Variants in MAP3K7CL observed in about 807,000 individuals in gnomAD.
MAP3K7CL encodes the protein MAP3K7 C-terminal-like protein.
MAP3K7CL carries 16 observed loss-of-function variants against 18.6 expected under a neutral mutation model. The observed-to-expected ratio is 0.86, with a 90% CI of 0.58 to 1.31. The LOEUF (loss-of-function observed/expected upper bound fraction) is 1.31. MAP3K7CL is among the 50% of genes most tolerant of loss of function. MAP3K7CL has a pLI of 0.00. For synonymous variants in MAP3K7CL, 65 were observed against 66.8 expected, an observed-to-expected ratio of 0.97 and a Z score of 0.13; for missense variants, 163 against 174.4, an observed-to-expected ratio of 0.93 and a Z score of 0.37.
chr21:29,142,993 C>T (rs1398796730), intron 2 of MAP3K7CL, among the ~76,000 whole-genome samples: 2 of 152,172 alleles, frequency 1.3e-5, no homozygotes, highest in African/African-American at 4.8e-5. Flanking sequence ...CTGTATGAGC[C>T]TCAACACTTA....
intron 4 of MAP3K7CL, among the ~76,000 whole-genome samples, chr21:29,171,806 C>CAAAA (rs34411156): frequency 4.1e-4 from 34 of 83,122 alleles, no homozygotes; most frequent in African/African-American, 8.7e-4. Flanking sequence ...GACTCCATCT[C>CAAAA]AAAAAAAAAA....
intron 4 of MAP3K7CL, among the ~76,000 whole-genome samples, chr21:29,120,345 T>C (rs2086571625): frequency 1.3e-5 from 2 of 152,212 alleles, no homozygotes; most frequent in African/African-American, 4.8e-5. Flanking sequence ...TTTTGGTGTG[T>C]CAATGAAGAG....
At chr21:29,109,750 G>A (rs1019932775) in intron 4 of MAP3K7CL, 8 of 985,426 alleles carry the variant, frequency 8.1e-6, no homozygotes, top group Non-Finnish European at 9.6e-6. Context: ...CTGGCCCTAG[G>A]CAAAATTGTA....
chr21:29,085,472 G>A (rs572214184), upstream of MAP3K7CL, among the ~76,000 whole-genome samples: 4 of 149,970 alleles, frequency 2.7e-5, no homozygotes, highest in African/African-American at 9.8e-5. Context: ...GAGTGAACCC[G>A]GGAGGCGGAG....
At chr21:29,166,184 G>A (rs1025708172) in intron 4 of MAP3K7CL, among the ~76,000 whole-genome samples, 8 of 151,916 alleles carry the variant, frequency 5.3e-5, no homozygotes, top group East Asian at 1.9e-4. Flanking sequence ...CCAACCTCTG[G>A]TAATCACTAT....
At position 29,175,527 on chromosome 21, in the gene MAP3K7CL, G is replaced by A. The variant is rs1162169898; in HGVS notation, c.*635G>A. 1.3e-5 allele frequency: 2 copies of A among 152,216 alleles called. No individual in the cohort carries two copies. Among genetic ancestry groups the A allele is most frequent in the Non-Finnish European group, 2.9e-5 (2 of 68,040 alleles). 9.4% of individuals were successfully genotyped at this position (152,216 alleles called of 1,614,324 possible). On this transcript the variant is annotated 3_prime_UTR_variant, in exon 5 of 5. Coordinates refer to ENST00000399928, the MANE Select transcript of MAP3K7CL (RefSeq NM_001286620.2). ...CAAAGCACATTTGCCAATGCTAACTGGCTGTTGTAATAATAAACAGATAAG... is the reference window on the plus strand; with the variant it reads ...CAAAGCACATTTGCCAATGCTAACTAGCTGTTGTAATAATAAACAGATAAG...
chr21:29,136,072 C>A (rs1467899451), intron 2 of MAP3K7CL, among the ~76,000 whole-genome samples: 1 of 152,072 alleles, frequency 6.6e-6, no homozygotes. Flanking sequence ...ATTCAGGAGA[C>A]CCATTATTGT....
At chr21:29,133,267 G>T in intron 1 of MAP3K7CL, 39 bp from the exon 2 acceptor site, 1 of 1,489,058 alleles carries the variant, frequency 6.7e-7, no homozygotes, top group Non-Finnish European at 9.2e-7. Context: ...GGGGGATGAT[G>T]CTGGATAAAG....
intron 3 of MAP3K7CL, among the ~76,000 whole-genome samples, 180 bp downstream of exon 3, chr21:29,149,430 CT>C (rs1195738305): frequency 1.3e-5 from 2 of 152,198 alleles, no homozygotes; most frequent in Non-Finnish European, 2.9e-5. Context: ...TGGAATGCCC[CT>C]GTCTGGTTAT....
intron 4 of MAP3K7CL, among the ~76,000 whole-genome samples, chr21:29,106,104 A>G (rs1445721721): frequency 6.6e-6 from 1 of 152,188 alleles, no homozygotes; most frequent in African/African-American, 2.4e-5. Context: ...TGGAATTTCC[A>G]CACAAATCAG....
At chr21:29,106,190 CT>C (rs202062043) in intron 4 of MAP3K7CL, among the ~76,000 whole-genome samples, 6 of 151,478 alleles carry the variant, frequency 4.0e-5, no homozygotes, top group African/African-American at 1.2e-4. Context: ...GAAAACGGCA[CT>C]TTTTTTTTGT....
Position 29,079,506 on chromosome 21 carries a change from A to C in MAP3K7CL, c.-49+1793A>C, listed in dbSNP as rs186907668. On this transcript the variant is annotated intron_variant, in intron 1 of 7. Transcript: ENST00000341618. ...AAGGTCTCTACGTGTTTCATATTCAAACATCCCAAGAGGGAGCATCTGATT... is the reference window on the plus strand; with the variant it reads ...AAGGTCTCTACGTGTTTCATATTCACACATCCCAAGAGGGAGCATCTGATT... Among the ~76,000 whole-genome samples the C allele has an allele frequency of 1.9e-3, 290 of 152,340 alleles. 4 individuals carry two copies. The highest frequency in any genetic ancestry group is 6.8e-3 in the African/African-American group (283 of 41,572).
At chr21:29,145,415 TACA>T (rs773350541) in intron 2 of MAP3K7CL, 1 of 152,252 alleles carries the variant, frequency 6.6e-6, no homozygotes, top group Non-Finnish European at 1.5e-5. Context: ...CAAAATGTTT[TACA>T]ACGATTCAGC....
chr21:29,100,559 T>C (rs149758296), intron 4 of MAP3K7CL, among the ~76,000 whole-genome samples: 142 of 152,230 alleles, frequency 9.3e-4, no homozygotes, highest in Non-Finnish European at 1.3e-3. Context: ...GTCTCCGTTT[T>C]CTCTGTAAAA....
chr21:29,102,924 G>C (rs2086258652), intron 4 of MAP3K7CL, among the ~76,000 whole-genome samples: 2 of 152,128 alleles, frequency 1.3e-5, no homozygotes, highest in Admixed American at 1.3e-4. Context: ...CTTGGAAGCA[G>C]ATCCTCCAGC....
At position 29,134,886 on chromosome 21, in the gene MAP3K7CL, A is replaced by G. The variant is rs534529627; in HGVS notation, c.70+1472A>G. The stretch of plus-strand genomic sequence containing the variant: ...AATACGGTGAAACCCTGTCTCTACT[A>G]AAAATACAAAAAAAATTAGCTGGGC... On this transcript the variant is annotated intron_variant, in intron 2 of 4. Coordinates refer to ENST00000399928, the MANE Select transcript of MAP3K7CL (RefSeq NM_001286620.2). Among the ~76,000 whole-genome samples the G allele has an allele frequency of 1.8e-3, 275 of 151,980 alleles. 2 individuals are homozygous for G. The highest frequency in any genetic ancestry group is 6.8e-3 in the Middle Eastern group (2 of 294).
chr21:29,111,760 A>G (rs947517863), intron 4 of MAP3K7CL, among the ~76,000 whole-genome samples: 3 of 152,148 alleles, frequency 2.0e-5, no homozygotes, highest in Non-Finnish European at 4.4e-5. Flanking sequence ...ATTTCAAACC[A>G]TCCTTATTTT....
chr21:29,085,545 T>TAAAAAAA (rs33938293), upstream of MAP3K7CL, among the ~76,000 whole-genome samples: 1 of 48,988 alleles, frequency 2.0e-5, no homozygotes, highest in Admixed American at 2.6e-4. Context: ...AGACTCTGTC[T>TAAAAAAA]AAAAAAAAAA....
At chr21:29,099,780 A>G (rs1043896408) in intron 4 of MAP3K7CL, among the ~76,000 whole-genome samples, 11 of 151,746 alleles carry the variant, frequency 7.2e-5, no homozygotes, top group Admixed American at 2.0e-4. Context: ...GTGACAGACT[A>G]ATTTAAAAAA....
Sources: allele counts gnomAD v4.1 joint callset (sites outside exome capture counted in the v4.1 genomes callset), GRCh38; gene constraint gnomAD v4.1.1; transcripts MANE v1.5; gene names NCBI Gene and HGNC (gene_info 2026-07-23, HGNC 2026-07-21).